SGCZ: variants seen among roughly 807,000 people sequenced by gnomAD.
The protein encoded by SGCZ is sarcoglycan zeta, also known as zeta-sarcoglycan.
A neutral mutation model predicts 41.3 loss-of-function variants in SGCZ; 40 were observed. That is an observed-to-expected ratio of 0.97 (90% confidence interval 0.75 to 1.26). The LOEUF (loss-of-function observed/expected upper bound fraction) is 1.26. Among genes scored for constraint, SGCZ ranks in the 50% most tolerant of loss-of-function variants. The pLI, the probability that SGCZ is intolerant of heterozygous loss-of-function variation, is 0.00. For missense variants in SGCZ, 552 were observed against 369.8 expected (o/e 1.49, Z -4.04); for synonymous variants, 206 against 137.5 (o/e 1.50, Z -3.49).
In SGCZ at chr8:14,101,354, T is replaced by C. The variant is rs147927568; in HGVS notation, c.744+1022A>G. Reference sequence around the variant, plus strand: ...TCTTCAGAGTTTCAGAAAAAGACCATAGAAAATTGGGAAAAGACCATGGAA... The same window carrying C: ...TCTTCAGAGTTTCAGAAAAAGACCACAGAAAATTGGGAAAAGACCATGGAA... On this transcript the variant is annotated intron_variant, in intron 7 of 7. Coordinates refer to ENST00000382080, the MANE Select transcript of SGCZ (RefSeq NM_139167.4). Among the ~76,000 whole-genome samples the C allele has an allele frequency of 2.1e-4, 16 of 75,874 alleles. No individual in the cohort carries two copies. The East Asian group carries it at 4.5e-3, about 21-fold the overall frequency. 49.8% of individuals were successfully genotyped at this position (75,874 alleles called of 152,430 possible).
intron 1 of SGCZ, among the ~76,000 whole-genome samples, chr8:14,901,148 G>A (rs191126231): frequency 9.9e-5 from 15 of 152,218 alleles, no homozygotes; most frequent in Non-Finnish European, 1.3e-4. Flanking sequence ...TATACATATG[G>A]ACTGTAAAAT....
chr8:14,738,262 G>C (rs1236191020), intron 1 of SGCZ, among the ~76,000 whole-genome samples: 1 of 151,954 alleles, frequency 6.6e-6, no homozygotes, highest in Non-Finnish European at 1.5e-5. Context: ...AGATTTTACA[G>C]CATGCTAGAA....
At chr8:14,370,462 A>G (rs1047828569) in intron 2 of SGCZ, among the ~76,000 whole-genome samples, 3 of 151,970 alleles carry the variant, frequency 2.0e-5, no homozygotes, top group African/African-American at 4.8e-5. Context: ...AATTGGTTAT[A>G]TGAAATTGAC....
chr8:14,908,607 G>A (rs1479419378), intron 1 of SGCZ, among the ~76,000 whole-genome samples: 4 of 151,904 alleles, frequency 2.6e-5, no homozygotes, highest in East Asian at 1.9e-4. Flanking sequence ...AAAATTAGCC[G>A]GGCGTGGTGA....
chr8:15,150,558 G>A (rs1799149878), intron 1 of SGCZ, among the ~76,000 whole-genome samples: 1 of 152,120 alleles, frequency 6.6e-6, no homozygotes, highest in African/African-American at 2.4e-5. Context: ...GTGTTAATGA[G>A]TATATAAAGC....
chr8:14,454,010 T>A (rs1800671869), intron 2 of SGCZ, among the ~76,000 whole-genome samples: 1 of 152,224 alleles, frequency 6.6e-6, no homozygotes, highest in Non-Finnish European at 1.5e-5. Flanking sequence ...AATAATTGTT[T>A]TTAATGAATC....
chr8:14,384,287 A>G (rs1452059829), intron 2 of SGCZ, among the ~76,000 whole-genome samples: 5 of 152,126 alleles, frequency 3.3e-5, no homozygotes, highest in Non-Finnish European at 7.3e-5. Flanking sequence ...CCTACAAAGG[A>G]CATGAACTTA....
chr8:14,730,823 T>G (rs922064526), intron 1 of SGCZ, among the ~76,000 whole-genome samples: 3 of 151,776 alleles, frequency 2.0e-5, no homozygotes, highest in Non-Finnish European at 4.4e-5. Flanking sequence ...ATGAACAAAA[T>G]GAGAAAGAAT....
chr8:14,993,212 G>C (rs1238286598), intron 1 of SGCZ, among the ~76,000 whole-genome samples: 1 of 152,112 alleles, frequency 6.6e-6, no homozygotes, highest in Non-Finnish European at 1.5e-5. Context: ...AGTAACCTTT[G>C]CCCATTATTC....
intron 7 of SGCZ, among the ~76,000 whole-genome samples, chr8:14,092,108 G>T (rs946917264): frequency 1.3e-5 from 2 of 152,184 alleles, no homozygotes; most frequent in Non-Finnish European, 2.9e-5. Flanking sequence ...TGTCAAGTTT[G>T]TGAAAGTTCA....
At chr8:14,600,147 T>C (rs1488181836) in intron 1 of SGCZ, among the ~76,000 whole-genome samples, 1 of 152,130 alleles carries the variant, frequency 6.6e-6, no homozygotes, top group Non-Finnish European at 1.5e-5. Context: ...CCATGGTTTC[T>C]TTACTTGGAC....
chr8:15,034,239 G>C (rs996569372), intron 1 of SGCZ, among the ~76,000 whole-genome samples: 4 of 151,968 alleles, frequency 2.6e-5, no homozygotes, highest in African/African-American at 9.7e-5. Context: ...ATAATAAGTG[G>C]CCAAAATAAT....
chr8:14,768,736 T>TA (rs1800125852), intron 1 of SGCZ, among the ~76,000 whole-genome samples: 1 of 151,894 alleles, frequency 6.6e-6, no homozygotes, highest in Non-Finnish European at 1.5e-5. Context: ...ACAGAACACT[T>TA]ACAGATGGAG....
intron 1 of SGCZ, among the ~76,000 whole-genome samples, chr8:14,974,132 T>C (rs1801386937): frequency 6.6e-6 from 1 of 152,212 alleles, no homozygotes; most frequent in Non-Finnish European, 1.5e-5. Context: ...TGAAACTGCC[T>C]ATAATTGTTG....
chr8:14,692,347 A>G (rs1808826815), intron 1 of SGCZ, among the ~76,000 whole-genome samples: 1 of 152,126 alleles, frequency 6.6e-6, no homozygotes, highest in Non-Finnish European at 1.5e-5. Flanking sequence ...GTGATTTACT[A>G]TTATCATAAG....
At chr8:14,951,325 T>C (rs372402285) in intron 1 of SGCZ, among the ~76,000 whole-genome samples, 24 of 152,172 alleles carry the variant, frequency 1.6e-4, no homozygotes, top group Admixed American at 3.9e-4. Context: ...TATTTTCCTA[T>C]ATTTTTCTTG....
chr8:15,200,624 C>G (rs1199928001), intron 1 of SGCZ, among the ~76,000 whole-genome samples: 1 of 152,174 alleles, frequency 6.6e-6, no homozygotes, highest in African/African-American at 2.4e-5. Flanking sequence ...TACATGGAGT[C>G]ATATCACCTT....
chr8:14,360,213 G>T (rs765863215), intron 2 of SGCZ, among the ~76,000 whole-genome samples: 3 of 152,006 alleles, frequency 2.0e-5, no homozygotes, highest in Non-Finnish European at 4.4e-5. Flanking sequence ...AGACAAGGAT[G>T]CCCACTTTCA....
chr8:14,451,733 T>A (rs1172038143), intron 2 of SGCZ, among the ~76,000 whole-genome samples: 1 of 152,214 alleles, frequency 6.6e-6, no homozygotes, highest in African/African-American at 2.4e-5. Context: ...CAAGTAAGCA[T>A]ATAAAAAATG....
Sources: allele counts gnomAD v4.1 joint callset (sites outside exome capture counted in the v4.1 genomes callset), GRCh38; gene constraint gnomAD v4.1.1; transcripts MANE v1.5; gene names NCBI Gene and HGNC (gene_info 2026-07-23, HGNC 2026-07-21).